The following DPP10 variants were observed in gnomAD, a reference collection of about 807,000 sequenced individuals.
DPP10 encodes dipeptidyl peptidase like 10, also known as inactive dipeptidyl peptidase 10.
DPP10 carries 33 observed loss-of-function variants against 120.9 expected under a neutral mutation model. The ratio of observed to expected loss-of-function variants is 0.27; its 90% CI spans 0.21 to 0.37. The LOEUF (loss-of-function observed/expected upper bound fraction) is 0.37, where lower values mean the gene tolerates loss of function less well. Ranked by LOEUF, DPP10 falls within the 10% of genes least tolerant of loss-of-function variation. The probability of loss-of-function intolerance (pLI) is 1.00; values close to 1 mark genes in which losing one functional copy is unlikely to be tolerated. For missense variants in DPP10, 816 were observed against 942.8 expected (o/e 0.87, Z 1.76); for synonymous variants, 337 against 326.1 (o/e 1.03, Z -0.36).
chr2:115,294,194 A>G (rs1379199243), intron 1 of DPP10, among the ~76,000 whole-genome samples: 1 of 152,088 alleles, frequency 6.6e-6, no homozygotes, highest in Non-Finnish European at 1.5e-5. Context: ...TGGGAGCCTC[A>G]TTGAATCATT....
chr2:115,286,869 T>G (rs2060426598), intron 1 of DPP10, among the ~76,000 whole-genome samples: 1 of 151,902 alleles, frequency 6.6e-6, no homozygotes, highest in Non-Finnish European at 1.5e-5. Flanking sequence ...AAAAGGAATT[T>G]CCTTGTCACA....
chr2:115,534,095 A>AT (rs1395416890), intron 5 of DPP10, among the ~76,000 whole-genome samples: 3 of 139,844 alleles, frequency 2.1e-5, no homozygotes, highest in Non-Finnish European at 4.5e-5. Context: ...ACTTTTATTT[A>AT]TTTTTTTATT....
intron 3 of DPP10, among the ~76,000 whole-genome samples, chr2:115,435,330 T>C (rs944615489): frequency 1.6e-4 from 24 of 151,776 alleles, no homozygotes. Context: ...GTGCGAGAGT[T>C]ACCCTTTCTC....
At chr2:114,681,009 T>C (rs1698991172) in intron 1 of DPP10, among the ~76,000 whole-genome samples, 1 of 151,998 alleles carries the variant, frequency 6.6e-6, no homozygotes, top group South Asian at 2.1e-4. Context: ...CATTTTGTTC[T>C]GTATTTAGGT....
At chr2:115,643,907 A>C (rs2086998557) in intron 5 of DPP10, among the ~76,000 whole-genome samples, 1 of 152,150 alleles carries the variant, frequency 6.6e-6, no homozygotes, top group African/African-American at 2.4e-5. Flanking sequence ...GAAAAAAATA[A>C]AGTAGAGATC....
At chr2:115,594,121 T>C (rs774063242) in intron 5 of DPP10, among the ~76,000 whole-genome samples, 3 of 152,190 alleles carry the variant, frequency 2.0e-5, no homozygotes, top group Non-Finnish European at 4.4e-5. Flanking sequence ...GGGGCTATTA[T>C]TGGCTCTATA....
chr2:115,389,430 T>C (rs1230563642), intron 3 of DPP10, among the ~76,000 whole-genome samples: 2 of 152,222 alleles, frequency 1.3e-5, no homozygotes, highest in African/African-American at 2.4e-5. Flanking sequence ...TGTTTAATTT[T>C]GTTTGCCCCT....
At chr2:115,217,524 C>T (rs2056903605) in intron 1 of DPP10, among the ~76,000 whole-genome samples, 1 of 152,184 alleles carries the variant, frequency 6.6e-6, no homozygotes, top group Admixed American at 6.5e-5. Flanking sequence ...GAAGCTAGCA[C>T]ATGTCAGAAA....
intron 1 of DPP10, among the ~76,000 whole-genome samples, chr2:115,072,270 G>A (rs1204884626): frequency 6.6e-6 from 1 of 152,098 alleles, no homozygotes; most frequent in Non-Finnish European, 1.5e-5. Context: ...AAGTAAAATA[G>A]CTATAGGGAA....
intron 5 of DPP10, among the ~76,000 whole-genome samples, chr2:115,663,143 T>G (rs943025869): frequency 9.9e-5 from 15 of 152,172 alleles, no homozygotes; most frequent in African/African-American, 3.6e-4. Context: ...TCCTTTGAGT[T>G]ACAAACAATC....
chr2:115,812,462 A>G (rs1217876434), intron 19 of DPP10, among the ~76,000 whole-genome samples: 1 of 151,908 alleles, frequency 6.6e-6, no homozygotes, highest in Non-Finnish European at 1.5e-5. Context: ...GGGCAACTGA[A>G]ACAAACAAAC....
At chr2:115,455,097 T>C (rs186204841) in intron 3 of DPP10, among the ~76,000 whole-genome samples, 2 of 151,216 alleles carry the variant, frequency 1.3e-5, no homozygotes, top group Admixed American at 1.3e-4. Context: ...ACTAAGAATA[T>C]AAATAAAAAA....
At chr2:115,156,244 G>A (rs1221908456) in intron 1 of DPP10, among the ~76,000 whole-genome samples, 1 of 152,200 alleles carries the variant, frequency 6.6e-6, no homozygotes, top group South Asian at 2.1e-4. Context: ...TCTGCATGGT[G>A]AAAGGAACCC....
chr2:114,625,977 T>C (rs1310595896), intron 1 of DPP10, among the ~76,000 whole-genome samples: 2 of 151,710 alleles, frequency 1.3e-5, no homozygotes, highest in Non-Finnish European at 2.9e-5. Flanking sequence ...GTCTTTACAT[T>C]GACAGAGCAG....
intron 3 of DPP10, among the ~76,000 whole-genome samples, chr2:115,441,862 C>T (rs1315149100): frequency 7.1e-6 from 1 of 140,908 alleles, no homozygotes; most frequent in African/African-American, 2.8e-5. Context: ...TTTCCCCAGG[C>T]TGGAGTGCAG....
At chr2:115,156,569 G>A (rs769710313) in intron 1 of DPP10, among the ~76,000 whole-genome samples, 6 of 152,168 alleles carry the variant, frequency 3.9e-5, no homozygotes, top group Non-Finnish European at 5.9e-5. Flanking sequence ...TTCTAGAATG[G>A]GAAATGTGTT....
chr2:114,816,173 T>A (rs1057457681), intron 1 of DPP10, among the ~76,000 whole-genome samples: 2 of 152,208 alleles, frequency 1.3e-5, no homozygotes, highest in African/African-American at 2.4e-5. Context: ...TCTAAACATG[T>A]TCCTCCCTTT....
intron 3 of DPP10, among the ~76,000 whole-genome samples, chr2:115,405,869 G>T (rs1353017410): frequency 4.6e-5 from 7 of 152,166 alleles, no homozygotes; most frequent in African/African-American, 1.7e-4. Flanking sequence ...TCCACCCTTG[G>T]AGACCTCTGG....
intron 1 of DPP10, among the ~76,000 whole-genome samples, chr2:114,798,629 G>A (rs1163564950): frequency 6.6e-6 from 1 of 152,080 alleles, no homozygotes; most frequent in African/African-American, 2.4e-5. Flanking sequence ...AAGCCAGGAG[G>A]GCAGGCACCC....
Sources: allele counts gnomAD v4.1 joint callset (sites outside exome capture counted in the v4.1 genomes callset), GRCh38; gene constraint gnomAD v4.1.1; transcripts MANE v1.5; gene names NCBI Gene and HGNC (gene_info 2026-07-23, HGNC 2026-07-21).